DOCK1: variants seen among roughly 807,000 people sequenced by gnomAD.
The protein encoded by DOCK1 is dedicator of cytokinesis 1, also known as dedicator of cytokinesis protein 1.
DOCK1 carries 138 observed loss-of-function variants against 262.7 expected under a neutral mutation model. That is an observed-to-expected ratio of 0.53 (90% CI 0.46 to 0.61). DOCK1 has a LOEUF of 0.61. Among genes scored for constraint, DOCK1 ranks in the 20% least tolerant of loss-of-function variants. DOCK1 has a pLI of 0.00. For missense variants in DOCK1, 1,908 were observed against 2,370.7 expected, an observed-to-expected ratio of 0.80 and a Z score of 4.05; for synonymous variants, 866 against 867.4, an observed-to-expected ratio of 1.00 and a Z score of 0.03.
intron 31 of DOCK1, among the ~76,000 whole-genome samples, 163 bp downstream of exon 31, chr10:127,343,909 A>T (rs2063527520): frequency 6.6e-6 from 1 of 152,208 alleles, no homozygotes; most frequent in African/African-American, 2.4e-5. Context: ...TTTCTAACCC[A>T]TGAATCAAGA....
At chr10:127,285,042 G>A (rs1231656624) in intron 29 of DOCK1, among the ~76,000 whole-genome samples, 1 of 152,038 alleles carries the variant, frequency 6.6e-6, no homozygotes, top group Non-Finnish European at 1.5e-5. Flanking sequence ...GGAGGGTGAG[G>A]CAGGAGGATT....
intron 1 of DOCK1, among the ~76,000 whole-genome samples, chr10:126,941,551 T>C (rs967105969): frequency 1.6e-4 from 24 of 152,218 alleles, no homozygotes; most frequent in South Asian, 1.0e-3. Flanking sequence ...GGTCAGGAGA[T>C]CGAGACCATC....
intron 1 of DOCK1, among the ~76,000 whole-genome samples, chr10:126,924,214 A>G (rs1343418033): frequency 1.6e-3 from 218 of 140,282 alleles, no homozygotes; most frequent in African/African-American, 5.6e-3. Context: ...GGAACTGAGC[A>G]GGGGGAACTG....
intron 37 of DOCK1, 26 bp downstream of exon 37, chr10:127,381,394 A>G: frequency 6.3e-7 from 1 of 1,589,338 alleles, no homozygotes; most frequent in Non-Finnish European, 8.6e-7. Context: ...AGTCACCTTG[A>G]TGATTCTATT....
intron 27 of DOCK1, among the ~76,000 whole-genome samples, chr10:127,201,956 T>C (rs1346310193): frequency 1.3e-5 from 2 of 152,166 alleles, no homozygotes; most frequent in East Asian, 1.9e-4. Context: ...ACCAGTCTCA[T>C]TGAGCCTGCT....
At chr10:126,950,305 G>T (rs2036096682) in intron 1 of DOCK1, among the ~76,000 whole-genome samples, 1 of 151,976 alleles carries the variant, frequency 6.6e-6, no homozygotes, top group Non-Finnish European at 1.5e-5. Context: ...GTTCTTACCT[G>T]GGATCTTGGG....
chr10:127,186,215 T>C (rs902781031), intron 27 of DOCK1, among the ~76,000 whole-genome samples: 5 of 152,192 alleles, frequency 3.3e-5, no homozygotes, highest in South Asian at 2.1e-4. Flanking sequence ...AAGAAATGCC[T>C]GAGACTGGGT....
intron 28 of DOCK1, among the ~76,000 whole-genome samples, chr10:127,254,986 G>A (rs2059780659): frequency 6.6e-6 from 1 of 152,148 alleles, no homozygotes; most frequent in Non-Finnish European, 1.5e-5. Context: ...TATTCTAGTG[G>A]GTGGGCACAG....
intron 40 of DOCK1, among the ~76,000 whole-genome samples, chr10:127,406,025 C>G (rs1275013768): frequency 6.6e-6 from 1 of 152,180 alleles, no homozygotes; most frequent in African/African-American, 2.4e-5. Flanking sequence ...GTTAAAGCCA[C>G]TTACTGTTGC....
chr10:127,370,051 C>A (rs2065124492), intron 33 of DOCK1, among the ~76,000 whole-genome samples: 1 of 152,100 alleles, frequency 6.6e-6, no homozygotes, highest in East Asian at 1.9e-4. Flanking sequence ...CAGCAACTTT[C>A]TCCCACCCAC....
intron 27 of DOCK1, chr10:127,135,459 T>A (rs566306148): frequency 6.5e-6 from 1 of 152,776 alleles, no homozygotes; most frequent in South Asian, 2.1e-4. Flanking sequence ...TAAAAATTAA[T>A]AAAGAACTTA....
At chr10:127,059,245 T>C (rs1321429771) in intron 22 of DOCK1, among the ~76,000 whole-genome samples, 3 of 152,214 alleles carry the variant, frequency 2.0e-5, no homozygotes, top group Non-Finnish European at 4.4e-5. Context: ...TGTCTCCTTT[T>C]CTGTGGTTAT....
At chr10:127,093,242 C>CTTTTCTTTTCTTTCTTTCTTTCT (rs2047679021) in intron 23 of DOCK1, among the ~76,000 whole-genome samples, 1 of 79,342 alleles carries the variant, frequency 1.3e-5, no homozygotes, top group African/African-American at 6.7e-5. Flanking sequence ...TTTCTTTCTT[C>CTTTTCTTTTCTTTCTTTCTTTCT]TTTTTTTTTT....
intron 27 of DOCK1, among the ~76,000 whole-genome samples, chr10:127,195,284 C>T (rs1048127404): frequency 3.3e-5 from 5 of 152,314 alleles, no homozygotes; most frequent in African/African-American, 9.6e-5. Context: ...CTCCTGCCCT[C>T]GCCCGCCAGC....
intron 29 of DOCK1, among the ~76,000 whole-genome samples, chr10:127,322,179 T>A (rs1023578681): frequency 3.1e-5 from 4 of 129,904 alleles, no homozygotes; most frequent in African/African-American, 1.3e-4. Context: ...CATAATTTTA[T>A]AATTTCCCTT....
intron 31 of DOCK1, among the ~76,000 whole-genome samples, chr10:127,352,684 C>T (rs1168983056): frequency 6.6e-6 from 1 of 152,134 alleles, no homozygotes; most frequent in Non-Finnish European, 1.5e-5. Context: ...CCTCCGCCGC[C>T]CAGGTTCAAG....
At chr10:127,058,280 A>G (rs1302542325) in intron 22 of DOCK1, among the ~76,000 whole-genome samples, 6 of 152,046 alleles carry the variant, frequency 3.9e-5, no homozygotes. Flanking sequence ...CAGATTTATA[A>G]TCATGATATC....
At chr10:127,318,384 G>A (rs938122778) in intron 29 of DOCK1, among the ~76,000 whole-genome samples, 1 of 152,200 alleles carries the variant, frequency 6.6e-6, no homozygotes, top group African/African-American at 2.4e-5. Context: ...AGAGGCACAC[G>A]GTTCTCTAAG....
At chr10:127,020,660 A>G (rs2042350101) in intron 13 of DOCK1, among the ~76,000 whole-genome samples, 1 of 152,062 alleles carries the variant, frequency 6.6e-6, no homozygotes, top group South Asian at 2.1e-4. Flanking sequence ...GGCAGGTTCC[A>G]TGTGCTGAGT....
Sources: gnomAD v4.1 joint callset for allele counts (sites outside exome capture counted in the v4.1 genomes callset) on GRCh38, gnomAD v4.1.1 for gene constraint, MANE v1.5 for transcripts, NCBI Gene and HGNC (gene_info 2026-07-23, HGNC 2026-07-21) for gene names.